C12orf42: variants seen among roughly 807,000 people sequenced by gnomAD.
C12orf42 encodes uncharacterized protein C12orf42.
A neutral mutation model predicts 21.6 loss-of-function variants in C12orf42; 25 were observed. The observed-to-expected ratio is 1.16, with a 90% CI of 0.84 to 1.62. C12orf42 has a LOEUF of 1.62. Among genes scored for constraint, C12orf42 ranks in the 40% most tolerant of loss-of-function variants. The pLI, the probability that C12orf42 is intolerant of heterozygous loss-of-function variation, is 0.00. For synonymous variants in C12orf42, 174 were observed against 175.0 expected, an observed-to-expected ratio of 0.99 and a Z score of 0.05; for missense variants, 483 against 459.3, an observed-to-expected ratio of 1.05 and a Z score of -0.47.
intron 2 of C12orf42, among the ~76,000 whole-genome samples, chr12:103,461,850 G>T (rs969080364): frequency 5.3e-5 from 8 of 152,020 alleles, no homozygotes; most frequent in East Asian, 1.9e-4. Flanking sequence ...TCATCCCAGG[G>T]TTATCTTAAG....
At chr12:103,306,736 A>G (rs1047210473) in intron 4 of C12orf42, among the ~76,000 whole-genome samples, 1 of 152,184 alleles carries the variant, frequency 6.6e-6, no homozygotes, top group African/African-American at 2.4e-5. Flanking sequence ...AAAAAGATAT[A>G]TTAAAGTCCT....
chr12:103,439,085 G>A (rs1329144327), intron 2 of C12orf42, among the ~76,000 whole-genome samples: 1 of 151,996 alleles, frequency 6.6e-6, no homozygotes, highest in African/African-American at 2.4e-5. Context: ...ACAGAACAGA[G>A]CCCTCAGAAA....
chr12:103,403,559 C>T lies in C12orf42; in HGVS notation c.79-1884G>A, dbSNP rs367985256. Among the ~76,000 whole-genome samples the T allele has an allele frequency of 2.6e-5, 4 of 152,292 alleles. No individual in the cohort carries two copies. The East Asian group carries it at 7.7e-4, about 29-fold the overall frequency. On this transcript the variant is annotated intron_variant, in intron 2 of 5. Transcript: ENST00000548883. The stretch of plus-strand genomic sequence containing the variant: ...CAAGCCAGGGCTCAAATTTCAGAAT[C>T]TGGACTTTGTGTTCTGCCCATCGTC...
chr12:103,271,436 A>G (rs745570103), intron 5 of C12orf42, among the ~76,000 whole-genome samples: 3 of 152,194 alleles, frequency 2.0e-5, no homozygotes, highest in Non-Finnish European at 2.9e-5. Context: ...GAGGCAAGAA[A>G]GTGCAATGGG....
At chr12:103,366,399 C>G (rs952653565) in intron 4 of C12orf42, among the ~76,000 whole-genome samples, 1 of 151,978 alleles carries the variant, frequency 6.6e-6, no homozygotes, top group Non-Finnish European at 1.5e-5. Flanking sequence ...TAGACATTGG[C>G]TTAAGCAAGG....
intron 3 of C12orf42, among the ~76,000 whole-genome samples, chr12:103,394,884 T>C (rs2047383888): frequency 6.6e-6 from 1 of 152,042 alleles, no homozygotes. Flanking sequence ...GGTACAAAGG[T>C]GGGAGCTTCC....
chr12:103,238,712 GA>G (rs2033577448), intron 10 of C12orf42, among the ~76,000 whole-genome samples: 2 of 152,182 alleles, frequency 1.3e-5, no homozygotes, highest in Non-Finnish European at 2.9e-5. Context: ...AGAGGGGAAT[GA>G]AGGCCCTATG....
At chr12:103,403,094 G>A (rs2048145817) in intron 2 of C12orf42, among the ~76,000 whole-genome samples, 1 of 152,126 alleles carries the variant, frequency 6.6e-6, no homozygotes, top group Admixed American at 6.5e-5. Context: ...AGAATGCAGG[G>A]GCCAGGCACG....
chr12:103,437,428 G>C (rs1950817583), intron 2 of C12orf42, among the ~76,000 whole-genome samples: 1 of 151,446 alleles, frequency 6.6e-6, no homozygotes, highest in African/African-American at 2.4e-5. Flanking sequence ...AGGAAATAGA[G>C]ACACAAAAAA....
intron 4 of C12orf42, among the ~76,000 whole-genome samples, chr12:103,293,027 A>T (rs1271536794): frequency 6.6e-6 from 1 of 152,110 alleles, no homozygotes; most frequent in Non-Finnish European, 1.5e-5. Flanking sequence ...TGAAAAATTG[A>T]TTCATTCTTT....
intron 2 of C12orf42, among the ~76,000 whole-genome samples, chr12:103,460,987 T>A (rs927954935): frequency 6.6e-6 from 1 of 152,182 alleles, no homozygotes; most frequent in African/African-American, 2.4e-5. Context: ...TGTTGTAGAT[T>A]TGTTGTAGAA....
the C12orf42 span, among the ~76,000 whole-genome samples, chr12:103,231,946 CTGT>C: frequency 1.3e-5 from 2 of 152,274 alleles, no homozygotes; most frequent in Middle Eastern, 6.8e-3. Flanking sequence ...ATGAGAGTTC[CTGT>C]TGTTCTACAT....
chr12:103,526,540 A>G, the C12orf42 span, among the ~76,000 whole-genome samples: 1 of 151,446 alleles, frequency 6.6e-6, no homozygotes, highest in African/African-American at 2.5e-5. Flanking sequence ...CAGAGATAGG[A>G]AAGAAAGGCT....
chr12:103,457,702 A>T (rs555759623), intron 2 of C12orf42, among the ~76,000 whole-genome samples: 2 of 152,330 alleles, frequency 1.3e-5, no homozygotes, highest in Admixed American at 1.3e-4. Context: ...GTTCAAAAAC[A>T]GGGACCTACA....
the C12orf42 span, chr12:103,155,210 A>G: frequency 2.0e-5 from 3 of 152,308 alleles, no homozygotes; most frequent in African/African-American, 7.2e-5. Flanking sequence ...CCAGTAATTT[A>G]TCTTTTCCCC....
chr12:103,531,041 T>C, the C12orf42 span, among the ~76,000 whole-genome samples: 1 of 152,144 alleles, frequency 6.6e-6, no homozygotes, highest in Non-Finnish European at 1.5e-5. Context: ...GCCCAACAAT[T>C]CCAGGGGACA....
the C12orf42 span, among the ~76,000 whole-genome samples, chr12:103,122,861 C>T: frequency 6.6e-6 from 1 of 152,070 alleles, no homozygotes; most frequent in Non-Finnish European, 1.5e-5. Flanking sequence ...ACATGAGCTG[C>T]CTTGCATCCT....
chr12:103,250,878 G>A (rs1238780393), intron 10 of C12orf42, among the ~76,000 whole-genome samples: 1 of 151,330 alleles, frequency 6.6e-6, no homozygotes, highest in African/African-American at 2.4e-5. Context: ...TTATCACTGT[G>A]TGTGTGTGTG....
the C12orf42 span, among the ~76,000 whole-genome samples, chr12:103,137,171 A>G: frequency 6.6e-6 from 1 of 152,180 alleles, no homozygotes; most frequent in South Asian, 2.1e-4. Context: ...CAAACAACTC[A>G]ACAGTAAAAA....
Sources: gnomAD v4.1 joint callset for allele counts (sites outside exome capture counted in the v4.1 genomes callset) on GRCh38, gnomAD v4.1.1 for gene constraint, MANE v1.5 for transcripts, NCBI Gene and HGNC (gene_info 2026-07-23, HGNC 2026-07-21) for gene names.